The following TOMM20L variants were observed in gnomAD, a reference collection of about 807,000 sequenced individuals.
The protein encoded by TOMM20L is translocase of outer mitochondrial membrane 20 like.
TOMM20L carries 19 observed loss-of-function variants against 20.4 expected under a neutral mutation model. The observed-to-expected ratio is 0.93, with a 90% CI of 0.65 to 1.36. The LOEUF is 1.36. Among genes scored for constraint, TOMM20L ranks in the 40% most tolerant of loss-of-function variants. TOMM20L has a pLI of 0.00. For missense variants in TOMM20L, 218 were observed against 203.7 expected (o/e 1.07, Z -0.43); for synonymous variants, 75 against 79.6 (o/e 0.94, Z 0.30).
chr14:58,414,323 G>A, the TOMM20L span, among the ~76,000 whole-genome samples: 1 of 152,018 alleles, frequency 6.6e-6, no homozygotes, highest in Non-Finnish European at 1.5e-5. Context: ...CAAAGTGTAT[G>A]CCACCATCAC....
chr14:58,415,008 A>T, the TOMM20L span, among the ~76,000 whole-genome samples: 2 of 152,168 alleles, frequency 1.3e-5, no homozygotes, highest in Non-Finnish European at 2.9e-5. Context: ...ACCCTGCTGT[A>T]ATGTCAGTGG....
At chr14:58,414,008 G>GAAAA in the TOMM20L span, among the ~76,000 whole-genome samples, 1,334 of 24,168 alleles carry the variant, frequency 0.055, 481 homozygotes, top group South Asian at 0.12. Flanking sequence ...TTCCGTCTCA[G>GAAAA]AAAAAAAAAA....
chr14:58,400,564 T>C (rs2035981721), intron 2 of TOMM20L, among the ~76,000 whole-genome samples: 1 of 152,016 alleles, frequency 6.6e-6, no homozygotes, highest in Non-Finnish European at 1.5e-5. Context: ...TGGCCTTCAA[T>C]AATGGTAATA....
the TOMM20L span, among the ~76,000 whole-genome samples, chr14:58,414,008 GAAAAAAAAAAAAAAAAA>G: frequency 1.2e-4 from 3 of 24,174 alleles, no homozygotes; most frequent in Non-Finnish European, 1.9e-4. Flanking sequence ...TTCCGTCTCA[GAAAAAAAAAAAAAAAAA>G]AAAAAAAAAA....
chr14:58,405,330 G>A (rs1051983400), intron 3 of TOMM20L, among the ~76,000 whole-genome samples: 2 of 152,082 alleles, frequency 1.3e-5, no homozygotes, highest in Non-Finnish European at 2.9e-5. Flanking sequence ...CCCTCAAATT[G>A]TGGGAAAGAA....
chr14:58,416,937 G>C, the TOMM20L span, among the ~76,000 whole-genome samples: 1 of 152,168 alleles, frequency 6.6e-6, no homozygotes, highest in African/African-American at 2.4e-5. Context: ...GTTTGGCTAT[G>C]TCCCCACCCA....
chr14:58,407,576 A>C lies in TOMM20L; in HGVS notation c.405+108A>C, dbSNP rs894517348. The C allele has an allele frequency of 4.8e-6, 6 of 1,245,642 alleles. No individual in the cohort carries two copies. The South Asian group carries it at 1.0e-4, about 21-fold the overall frequency. The allele number at this position is 1,245,642 out of a possible 1,614,324, so 77.2% of individuals were successfully genotyped here. On this transcript the variant is annotated intron_variant, in intron 4 of 4. Transcript: ENST00000360945. ...TGTGTGTGAATTGCCCAAAATCTTAAATAAGTGAAATCTCTGAATTTTTGG... is the reference window on the plus strand; with the variant it reads ...TGTGTGTGAATTGCCCAAAATCTTACATAAGTGAAATCTCTGAATTTTTGG...
chr14:58,404,855 A>T (rs2140304345), intron 3 of TOMM20L, among the ~76,000 whole-genome samples: 1 of 152,222 alleles, frequency 6.6e-6, no homozygotes, highest in East Asian at 1.9e-4. Context: ...TTGATGACAA[A>T]ATGTACAGTT....
chr14:58,407,515 C>G, intron 4 of TOMM20L, 47 bp downstream of exon 4: 2 of 1,543,096 alleles, frequency 1.3e-6, no homozygotes, highest in Non-Finnish European at 1.7e-6. Flanking sequence ...CAGTAAATAG[C>G]TATGTTATGC....
downstream of TOMM20L, chr14:58,409,247 G>C (rs897742345): frequency 1.3e-6 from 2 of 1,524,246 alleles, no homozygotes; most frequent in African/African-American, 2.8e-5. Flanking sequence ...AAAAGAATCA[G>C]TGGGGTAGTT....
At chr14:58,413,304 C>G (rs900610781), downstream of TOMM20L, among the ~76,000 whole-genome samples, 3 of 152,218 alleles carry the variant, frequency 2.0e-5, no homozygotes, top group African/African-American at 7.2e-5. Flanking sequence ...TAATTTAACT[C>G]TGACCCTTAC....
chr14:58,403,427 T>A (rs1479078122), intron 3 of TOMM20L, among the ~76,000 whole-genome samples: 1 of 152,238 alleles, frequency 6.6e-6, no homozygotes, highest in Non-Finnish European at 1.5e-5. Flanking sequence ...ATATTCTTAA[T>A]ACTTATTTAC....
At chr14:58,404,131 T>TA (rs2036027814) in intron 3 of TOMM20L, among the ~76,000 whole-genome samples, 1 of 4,998 alleles carries the variant, frequency 2.0e-4, no homozygotes, top group African/African-American at 3.1e-4. Context: ...TTTTTTTTTT[T>TA]TTTTTTTTTT....
downstream of TOMM20L, chr14:58,409,211 T>C (rs2036128465): frequency 7.5e-6 from 12 of 1,596,344 alleles, no homozygotes; most frequent in Non-Finnish European, 8.5e-6. Context: ...CACAAAAATA[T>C]GAATTTTTTA....
chr14:58,408,695 A>G lies in TOMM20L; in HGVS notation c.*113A>G. The G allele has an allele frequency of 1.9e-6, 2 of 1,032,962 alleles. No individual in the cohort carries two copies. Among genetic ancestry groups the G allele is most frequent in the Non-Finnish European group, 2.8e-6 (2 of 716,042 alleles). 64.0% of individuals were successfully genotyped at this position (1,032,962 alleles called of 1,614,324 possible). A position where few individuals can be genotyped will look rare whatever the true frequency, so the allele number is the denominator to read the frequency against. On this transcript the variant is annotated 3_prime_UTR_variant, in exon 5 of 5. Transcript: ENST00000360945. ...TACTTTGAGTAATAAAAATTTTTCT[A>G]TCTCATACATGATCGAACACATAAG... is the stretch of plus-strand genomic sequence containing the variant.
chr14:58,397,865 G>A (rs2035947767), intron 2 of TOMM20L, among the ~76,000 whole-genome samples: 1 of 152,132 alleles, frequency 6.6e-6, no homozygotes. Flanking sequence ...AAGCAGGAGT[G>A]TACTTAATGG....
intron 3 of TOMM20L, among the ~76,000 whole-genome samples, chr14:58,404,099 G>GTGTGTATATATATATATATATATATATA (rs1408980666): frequency 0.033 from 756 of 22,894 alleles, 232 homozygotes; most frequent in East Asian, 0.078. Context: ...ACATATATAT[G>GTGTGTATATATATATATATATATATATA]TATATATATA....
downstream of TOMM20L, chr14:58,411,871 T>A (rs1287304294): frequency 1.2e-6 from 2 of 1,606,836 alleles, no homozygotes; most frequent in African/African-American, 2.7e-5. Context: ...TTACATTTTT[T>A]TGCAAAATCT....
downstream of TOMM20L, chr14:58,410,945 AC>A: frequency 1.3e-6 from 2 of 1,596,324 alleles, no homozygotes; most frequent in Non-Finnish European, 1.7e-6. Flanking sequence ...TAAACTACAA[AC>A]AAACCAGAAT....
Sources: allele counts gnomAD v4.1 joint callset (sites outside exome capture counted in the v4.1 genomes callset), GRCh38; gene constraint gnomAD v4.1.1; transcripts MANE v1.5; gene names NCBI Gene and HGNC (gene_info 2026-07-23, HGNC 2026-07-21).